Variants in GLIS1 observed in about 807,000 individuals in gnomAD.
GLIS1 encodes the protein GLIS family zinc finger 1.
Under a neutral mutation model 63.8 loss-of-function variants are expected in GLIS1, and 24 were observed. The observed-to-expected ratio is 0.38, with a 90% confidence interval of 0.27 to 0.53. GLIS1 has a LOEUF of 0.53. GLIS1 is among the 20% of genes least tolerant of loss of function. The probability of loss-of-function intolerance (pLI) is 0.85; values close to 1 mark genes in which losing one functional copy is unlikely to be tolerated. For synonymous variants in GLIS1, 450 were observed against 482.5 expected (o/e 0.93, Z 0.88); for missense variants, 1,036 against 1,074.1 (o/e 0.96, Z 0.50).
At chr1:53,537,966 T>C (rs534543380) in intron 4 of GLIS1, among the ~76,000 whole-genome samples, 3 of 152,366 alleles carry the variant, frequency 2.0e-5, no homozygotes, top group East Asian at 1.9e-4. Context: ...AGAAATGCAA[T>C]GCCAGCTCCT....
chr1:53,510,180 T>G (rs1304160197), intron 8 of GLIS1, among the ~76,000 whole-genome samples, 153 bp from the exon 9 acceptor site: 5 of 152,234 alleles, frequency 3.3e-5, no homozygotes. Flanking sequence ...GAGCTTTTAT[T>G]TTTGGTCATG....
At chr1:53,653,612 C>T (rs1436480090) in intron 2 of GLIS1, among the ~76,000 whole-genome samples, 1 of 152,218 alleles carries the variant, frequency 6.6e-6, no homozygotes, top group Admixed American at 6.5e-5. Flanking sequence ...TTCCCTCCTC[C>T]CCCTCACCCC....
chr1:53,719,140 C>A (rs1460422324), intron 2 of GLIS1, among the ~76,000 whole-genome samples: 3 of 152,242 alleles, frequency 2.0e-5, no homozygotes, highest in African/African-American at 7.2e-5. Context: ...ACTGCCTCTG[C>A]CCCATCGTTG....
chr1:53,719,833 A>G (rs1347911852), intron 2 of GLIS1, among the ~76,000 whole-genome samples: 1 of 152,220 alleles, frequency 6.6e-6, no homozygotes, highest in African/African-American at 2.4e-5. Flanking sequence ...ATGATCCAGC[A>G]ATCCCACTGC....
Position 53,722,579 on chromosome 1 carries a change from T to C in GLIS1, c.259+15227A>G, listed in dbSNP as rs189053689. On this transcript the variant is annotated intron_variant, in intron 2 of 10. Transcript: ENST00000628545. ...ATGCAGGCCAGGTGTGGTGACTCAC[T>C]CCTATAATCCCAACACTTTGGGAAG... Among the ~76,000 whole-genome samples the C allele has an allele frequency of 1.2e-3, 179 of 152,170 alleles. 1 individual carries two copies. Among genetic ancestry groups the C allele is most frequent in the African/African-American group, 4.1e-3 (172 of 41,518 alleles).
At position 53,524,706 on chromosome 1, in the gene GLIS1, T is replaced by G. The variant is rs11811672; in HGVS notation, c.1593+71A>C. On this transcript the variant is annotated intron_variant, in intron 6 of 10. Coordinates refer to ENST00000628545, the MANE Select transcript of GLIS1 (RefSeq NM_001367484.1). ...GGTGGGCAGATGCATGTGTTGAGGG[T>G]GGGCACCTGGCCTGATGCGGTGCAG... 0.014 allele frequency: 14,850 copies of G among 1,034,582 alleles called. 1,388 individuals carry two copies. In the African/African-American group the frequency reaches 0.2, roughly 14 times the overall value. The allele number at this position is 1,034,582 out of a possible 1,614,324, so 64.1% of individuals were successfully genotyped here. A position where few individuals can be genotyped will look rare whatever the true frequency, so the allele number is the denominator to read the frequency against.
chr1:53,632,456 TGGGGCATGTGAATGGGTGTGACTGA>T (rs1417796916), intron 2 of GLIS1, among the ~76,000 whole-genome samples: 1 of 128,314 alleles, frequency 7.8e-6, no homozygotes, highest in Non-Finnish European at 1.6e-5. Context: ...TGAGTGTGAC[TGGGGCATGTGAATGGGTGTGACTGA>T]GGGGCATGTG....
chr1:53,640,545 G>A (rs1645775802), intron 2 of GLIS1, among the ~76,000 whole-genome samples: 2 of 152,222 alleles, frequency 1.3e-5, no homozygotes, highest in Middle Eastern at 6.8e-3. Flanking sequence ...TCTCCTGCCT[G>A]TAGGGTGGCT....
Position 53,526,810 on chromosome 1 carries a change from CAT to C in GLIS1, c.1483-1925_1483-1924del, listed in dbSNP as rs1177769208. Reference sequence around the variant, plus strand: ...CTGTGTTTGTTTTTCCAGGGCCTGACATGTGTAGAACATTCCTCAGGCCCCAT... The same window carrying C: ...CTGTGTTTGTTTTTCCAGGGCCTGACGTGTAGAACATTCCTCAGGCCCCAT... On this transcript the variant is annotated intron_variant, in intron 5 of 10. Transcript: ENST00000628545. The surrounding 1 kb of genome is among the most constrained non-coding windows in gnomAD (Gnocchi z 4.4). Among the ~76,000 whole-genome samples, 1 of 152,240 alleles carries C rather than the reference CAT, an allele frequency of 6.6e-6. No homozygotes were observed.
At chr1:53,700,377 G>A (rs1174710777) in intron 2 of GLIS1, among the ~76,000 whole-genome samples, 1 of 152,160 alleles carries the variant, frequency 6.6e-6, no homozygotes, top group African/African-American at 2.4e-5. Flanking sequence ...ACGCGGCTCC[G>A]TGGCTCCAAA....
At chr1:53,536,001 C>T (rs981887155) in intron 4 of GLIS1, among the ~76,000 whole-genome samples, 6 of 152,214 alleles carry the variant, frequency 3.9e-5, no homozygotes, top group Admixed American at 2.6e-4. Context: ...TCCACGCTTC[C>T]CGACCCGATG....
chr1:53,672,459 A>C (rs1646163067), intron 2 of GLIS1, among the ~76,000 whole-genome samples: 1 of 152,186 alleles, frequency 6.6e-6, no homozygotes, highest in South Asian at 2.1e-4. Flanking sequence ...CCCCAAGATC[A>C]CCTACTCTGT....
intron 4 of GLIS1, among the ~76,000 whole-genome samples, chr1:53,552,512 T>C (rs1644770421): frequency 6.6e-6 from 1 of 152,258 alleles, no homozygotes; most frequent in Non-Finnish European, 1.5e-5. Flanking sequence ...CTTTGTCTTT[T>C]TAAATAAAAA....
At chr1:53,643,594 G>C (rs114178516) in intron 2 of GLIS1, among the ~76,000 whole-genome samples, 2,794 of 152,252 alleles carry the variant, frequency 0.018, 75 homozygotes, top group African/African-American at 0.063. Context: ...AGCATAACAC[G>C]GCAACTATAG....
Position 53,660,464 on chromosome 1 carries a change from G to A in GLIS1, c.260-60186C>T, listed in dbSNP as rs547026853. 2.6e-5 allele frequency among the ~76,000 whole-genome samples: 4 copies of A among 152,138 alleles called. No individual in the cohort carries two copies. The South Asian group carries it at 8.3e-4, about 31-fold the overall frequency. ...GAAGCTAGCTCCAAGACTGGCCCTG[G>A]GTCACACTAGTAAGTGACACAAGAG... is the stretch of plus-strand genomic sequence containing the variant. On this transcript the variant is annotated intron_variant, in intron 2 of 10. Coordinates refer to ENST00000628545, the MANE Select transcript of GLIS1 (RefSeq NM_001367484.1).
chr1:53,705,078 T>A (rs1163027634), intron 2 of GLIS1, among the ~76,000 whole-genome samples: 1 of 152,188 alleles, frequency 6.6e-6, no homozygotes. Flanking sequence ...GGCATTTTGC[T>A]TTTCAGGGCT....
At chr1:53,601,674 C>G (rs1310293478) in intron 2 of GLIS1, among the ~76,000 whole-genome samples, 1 of 152,090 alleles carries the variant, frequency 6.6e-6, no homozygotes, top group East Asian at 1.9e-4. Flanking sequence ...AATTACTCAC[C>G]CAAGAACACA....
At chr1:53,581,672 A>T (rs917093101) in intron 4 of GLIS1, among the ~76,000 whole-genome samples, 2 of 152,186 alleles carry the variant, frequency 1.3e-5, no homozygotes, top group African/African-American at 4.8e-5. Flanking sequence ...AGGAGGTGAC[A>T]TGGGAGCAGA....
At chr1:53,685,816 C>T (rs1305502413) in intron 2 of GLIS1, among the ~76,000 whole-genome samples, 2 of 152,210 alleles carry the variant, frequency 1.3e-5, no homozygotes, top group African/African-American at 4.8e-5. Flanking sequence ...ACTGGCCCTT[C>T]AATCTGTCCT....
Sources: gnomAD v4.1 joint callset for allele counts (sites outside exome capture counted in the v4.1 genomes callset) on GRCh38, gnomAD v4.1.1 for gene constraint, Gnocchi (gnomAD v3.1) non-coding constraint, MANE v1.5 for transcripts, NCBI Gene and HGNC (gene_info 2026-07-23, HGNC 2026-07-21) for gene names.